ZMAT4: variants seen among roughly 807,000 people sequenced by gnomAD.
ZMAT4 encodes the protein zinc finger matrin-type 4, also known as zinc finger matrin-type protein 4.
A neutral mutation model predicts 28.7 loss-of-function variants in ZMAT4; 17 were observed. The observed-to-expected ratio is 0.59, with a 90% confidence interval of 0.41 to 0.89. The LOEUF (loss-of-function observed/expected upper bound fraction) is 0.89, where lower values mean the gene tolerates loss of function less well. ZMAT4 is among the 40% of genes least tolerant of loss of function. The pLI, the probability that ZMAT4 is intolerant of heterozygous loss-of-function variation, is 0.00. For missense variants in ZMAT4, 240 were observed against 283.8 expected (o/e 0.85, Z 1.11); for synonymous variants, 117 against 109.2 (o/e 1.07, Z -0.44).
intron 1 of ZMAT4, among the ~76,000 whole-genome samples, chr8:40,867,940 A>G (rs1817730293): frequency 6.6e-6 from 1 of 152,202 alleles, no homozygotes; most frequent in Non-Finnish European, 1.5e-5. Context: ...TATAAAAAAA[A>G]AAAATTAAAG....
In ZMAT4 at chr8:40,697,241, G is replaced by T. The variant is rs766477559; in HGVS notation, c.349+4C>A. On this transcript the variant is annotated splice_donor_region_variant and intron_variant, in intron 4 of 6. Transcript: ENST00000297737. ...CTCCCCACGATCACTGTTCCTGCAC[G>T]TACCTGTGGTCTTTAATGGGGTCTT... The T allele has an allele frequency of 1.9e-6, 3 of 1,602,644 alleles. No individual in the cohort carries two copies. The highest frequency in any genetic ancestry group is 1.1e-5 in the South Asian group (1 of 88,988).
At chr8:40,601,640 G>GAA (rs1410116004) in intron 5 of ZMAT4, among the ~76,000 whole-genome samples, 2 of 23,738 alleles carry the variant, frequency 8.4e-5, no homozygotes, top group African/African-American at 2.4e-4. Context: ...GAAAGAGAAA[G>GAA]AAAGAAAGAA....
intron 5 of ZMAT4, among the ~76,000 whole-genome samples, chr8:40,624,144 T>G (rs1417848718): frequency 6.6e-6 from 1 of 152,194 alleles, no homozygotes; most frequent in Non-Finnish European, 1.5e-5. Context: ...TAAACCCCAA[T>G]GCTAATGCAA....
intron 6 of ZMAT4, among the ~76,000 whole-genome samples, chr8:40,547,298 C>T (rs1803235329): frequency 1.3e-5 from 2 of 152,172 alleles, no homozygotes; most frequent in Admixed American, 6.5e-5. Flanking sequence ...TTTGTTTCCT[C>T]TCTAGACCTC....
intron 6 of ZMAT4, among the ~76,000 whole-genome samples, chr8:40,543,111 AG>A (rs1803095317): frequency 6.6e-6 from 1 of 151,910 alleles, no homozygotes; most frequent in African/African-American, 2.4e-5. Flanking sequence ...TTTCTCCTTC[AG>A]GCTCAGAGTT....
At chr8:40,590,369 G>C (rs1804848425) in intron 5 of ZMAT4, among the ~76,000 whole-genome samples, 1 of 151,376 alleles carries the variant, frequency 6.6e-6, no homozygotes, top group Admixed American at 6.6e-5. Context: ...TCTATCCACT[G>C]GCCTAAATTC....
chr8:40,889,680 C>T (rs1818597508), intron 1 of ZMAT4, among the ~76,000 whole-genome samples: 1 of 152,068 alleles, frequency 6.6e-6, no homozygotes, highest in South Asian at 2.1e-4. Flanking sequence ...TTAGCATTTT[C>T]CCATATTCTT....
chr8:40,638,820 G>A (rs1327587146), intron 5 of ZMAT4, among the ~76,000 whole-genome samples: 1 of 152,228 alleles, frequency 6.6e-6, no homozygotes, highest in Non-Finnish European at 1.5e-5. Context: ...CTGTGTAAAT[G>A]TACAAGGTAA....
intron 2 of ZMAT4, among the ~76,000 whole-genome samples, chr8:40,813,652 G>C (rs1231671109): frequency 6.6e-6 from 1 of 152,252 alleles, no homozygotes; most frequent in East Asian, 1.9e-4. Context: ...TAGGGCCAGA[G>C]ACCCGGTGAG....
intron 2 of ZMAT4, among the ~76,000 whole-genome samples, chr8:40,782,725 G>T (rs1813890342): frequency 6.6e-6 from 1 of 152,152 alleles, no homozygotes; most frequent in Non-Finnish European, 1.5e-5. Flanking sequence ...GTCAAGGTGC[G>T]AGTTGTGAGG....
At chr8:40,730,413 G>T (rs955310691) in intron 3 of ZMAT4, among the ~76,000 whole-genome samples, 1 of 152,210 alleles carries the variant, frequency 6.6e-6, no homozygotes, top group Admixed American at 6.5e-5. Flanking sequence ...GAGCATGTCT[G>T]TTGGGATTCC....
chr8:40,599,524 G>T (rs1175020455), intron 5 of ZMAT4, among the ~76,000 whole-genome samples: 4 of 152,068 alleles, frequency 2.6e-5, no homozygotes, highest in African/African-American at 4.8e-5. Flanking sequence ...GTATTTAAGG[G>T]GTCTTCTCCA....
At chr8:40,771,846 T>G (rs963973733) in intron 2 of ZMAT4, among the ~76,000 whole-genome samples, 1 of 152,182 alleles carries the variant, frequency 6.6e-6, no homozygotes, top group Non-Finnish European at 1.5e-5. Flanking sequence ...TCTTACGTCA[T>G]CCAAATAAAC....
intron 1 of ZMAT4, among the ~76,000 whole-genome samples, chr8:40,850,779 C>T (rs1482353872): frequency 6.6e-6 from 1 of 152,172 alleles, no homozygotes. Context: ...TACAGTCCGG[C>T]AGTTACACAT....
chr8:40,741,797 G>A (rs778189031), intron 3 of ZMAT4, among the ~76,000 whole-genome samples: 10 of 151,980 alleles, frequency 6.6e-5, no homozygotes, highest in Non-Finnish European at 1.5e-4. Context: ...AAATAATAGC[G>A]AAAAGTTGGA....
intron 5 of ZMAT4, among the ~76,000 whole-genome samples, chr8:40,629,198 G>C (rs1806483915): frequency 6.6e-6 from 1 of 151,356 alleles, no homozygotes; most frequent in Admixed American, 6.6e-5. Context: ...TGTATTTAGT[G>C]AGTAAAAAAT....
At chr8:40,723,168 C>T (rs750486711) in intron 3 of ZMAT4, among the ~76,000 whole-genome samples, 5 of 152,144 alleles carry the variant, frequency 3.3e-5, no homozygotes, top group Non-Finnish European at 7.4e-5. Flanking sequence ...GAAATCTCCT[C>T]AGGCAGGGAA....
intron 6 of ZMAT4, among the ~76,000 whole-genome samples, chr8:40,552,793 T>C (rs527295814): frequency 2.9e-4 from 44 of 152,092 alleles, no homozygotes; most frequent in Non-Finnish European, 5.6e-4. Flanking sequence ...GTAGTAGTGT[T>C]AAAAATACAT....
chr8:40,836,210 A>G (rs1470622552), intron 1 of ZMAT4, among the ~76,000 whole-genome samples: 1 of 152,196 alleles, frequency 6.6e-6, no homozygotes, highest in African/African-American at 2.4e-5. Context: ...TTAACCATAG[A>G]AAGGTTATTG....
Sources: allele counts gnomAD v4.1 joint callset (sites outside exome capture counted in the v4.1 genomes callset), GRCh38; gene constraint gnomAD v4.1.1; transcripts MANE v1.5; gene names NCBI Gene and HGNC (gene_info 2026-07-23, HGNC 2026-07-21).